Variants in CENPL observed in about 807,000 individuals in gnomAD.
The protein encoded by CENPL is centromere protein L.
A neutral mutation model predicts 35.2 loss-of-function variants in CENPL; 20 were observed. That is an observed-to-expected ratio of 0.57 (90% confidence interval 0.40 to 0.83). The LOEUF is 0.83. Among genes scored for constraint, CENPL ranks in the 40% least tolerant of loss-of-function variants. The pLI is 0.00. For missense variants in CENPL, 363 were observed against 395.8 expected, an observed-to-expected ratio of 0.92 and a Z score of 0.70; for synonymous variants, 140 against 140.6, an observed-to-expected ratio of 1.00 and a Z score of 0.03.
chr1:173,817,595 G>A (rs1226251193), intron 2 of CENPL, among the ~76,000 whole-genome samples: 3 of 152,214 alleles, frequency 2.0e-5, no homozygotes, highest in African/African-American at 7.2e-5. Context: ...AAGACAGTGT[G>A]GCAATTCCTC....
intron 2 of CENPL, among the ~76,000 whole-genome samples, chr1:173,818,639 A>G (rs1651644367): frequency 6.6e-6 from 1 of 152,100 alleles, no homozygotes; most frequent in South Asian, 2.1e-4. Context: ...GTGCTGAATG[A>G]GCTCTCATCT....
intron 2 of CENPL, among the ~76,000 whole-genome samples, chr1:173,818,806 C>T (rs9425750): frequency 0.091 from 13,847 of 152,170 alleles, 2,036 homozygotes; most frequent in African/African-American, 0.31. Context: ...ATTTCTTGTA[C>T]CCTCAGTAAA....
chr1:173,818,149 A>G (rs950870396), intron 2 of CENPL, among the ~76,000 whole-genome samples: 3 of 152,196 alleles, frequency 2.0e-5, no homozygotes, highest in African/African-American at 7.2e-5. Context: ...AACTTAAAGT[A>G]TAATTTAAAA....
At chr1:173,813,687 G>A (rs1651064686) in intron 2 of CENPL, among the ~76,000 whole-genome samples, 1 of 152,116 alleles carries the variant, frequency 6.6e-6, no homozygotes, top group Non-Finnish European at 1.5e-5. Context: ...ACTAAACATG[G>A]AAAGGAACAA....
rs772451925 is a variant in CENPL, at chr1:173,811,133, T to C, written c.167A>G (p.Gln56Arg). 3 of 1,610,468 alleles carry C rather than the reference T, an allele frequency of 1.9e-6. No homozygotes were observed. In the South Asian group the frequency reaches 3.3e-5, roughly 18 times the overall value. The change falls in exon 3 of 6, where the codon CAG becomes CGG. Residue 56 changes from glutamine (Q) to arginine (R), a missense_variant and splice_region_variant. By Grantham distance (43) the Gln-to-Arg change is conservative. Coordinates refer to ENST00000682279, the MANE Select transcript of CENPL (RefSeq NM_001387287.1). ...RRKIPQCSQL[Q>R]EDVDPQKVAF... ...CACAAAGGGACACAAAAAGCATACC[T>C]GCAACTGCGAACACTGGGGAATTTT...
chr1:173,811,310 C>A lies in CENPL; in HGVS notation c.-7-4G>T. The A allele has an allele frequency of 3.8e-6, 6 of 1,569,352 alleles. No homozygotes were observed. Among genetic ancestry groups the A allele is most frequent in the Non-Finnish European group, 5.2e-6 (6 of 1,150,336 alleles). On this transcript the variant is annotated splice_polypyrimidine_tract_variant and splice_region_variant and intron_variant, in intron 2 of 5. Transcript: ENST00000682279. Reference sequence around the variant, plus strand: ...ACTGTAAGAATCCATGGTCTGTCTGCATAAGAAGAAACAAAACCAGAATTC... The same window carrying A: ...ACTGTAAGAATCCATGGTCTGTCTGAATAAGAAGAAACAAAACCAGAATTC...
chr1:173,819,102 T>G (rs890940846), intron 2 of CENPL, among the ~76,000 whole-genome samples: 1 of 151,796 alleles, frequency 6.6e-6, no homozygotes, highest in African/African-American at 2.4e-5. Flanking sequence ...CCAGGTGTGG[T>G]AGTGCACACC....
chr1:173,821,448 C>T (rs1378722855), intron 2 of CENPL, among the ~76,000 whole-genome samples: 1 of 152,004 alleles, frequency 6.6e-6, no homozygotes, highest in Non-Finnish European at 1.5e-5. Flanking sequence ...TGCTATGAAT[C>T]CCAAAAAGAT....
intron 2 of CENPL, among the ~76,000 whole-genome samples, chr1:173,821,345 T>C (rs1651925540): frequency 1.3e-5 from 2 of 152,264 alleles, no homozygotes; most frequent in East Asian, 1.9e-4. Flanking sequence ...CTGCAATGAG[T>C]GCACTTAGCT....
chr1:173,814,279 C>T (rs7530546), intron 2 of CENPL, among the ~76,000 whole-genome samples: 34,700 of 151,974 alleles, frequency 0.23, 4,426 homozygotes, highest in Middle Eastern at 0.39. Flanking sequence ...ATCAACGAGA[C>T]AGAAGGTTAA....
rs1371001800 is a variant in CENPL, at chr1:173,823,971, A to G, written c.-53T>C. On this transcript the variant is annotated 5_prime_UTR_variant, in exon 2 of 6. Coordinates refer to ENST00000682279, the MANE Select transcript of CENPL (RefSeq NM_001387287.1). ...GCTGTCACCCATTCCGGATTCACGAATCATTCTTCAAAAGTCCGGCTCCAA... is the reference window on the plus strand; with the variant it reads ...GCTGTCACCCATTCCGGATTCACGAGTCATTCTTCAAAAGTCCGGCTCCAA... The G allele has an allele frequency of 6.6e-6, 1 of 151,956 alleles. No homozygotes were observed. Among genetic ancestry groups the G allele is most frequent in the Non-Finnish European group, 1.5e-5 (1 of 67,990 alleles). The allele number at this position is 151,956 out of a possible 1,614,324, so 9.4% of individuals were successfully genotyped here. A position where few individuals can be genotyped will look rare whatever the true frequency, so the allele number is the denominator to read the frequency against.
In CENPL at chr1:173,824,697, G is replaced by A. The variant is rs533128814; in HGVS notation, c.-587C>T. ...TGAAGGGCGCTTGGACCCCAGCGGCGATCTGTGTTTGGGTTCGCGCTCTGG... is the reference window on the plus strand; with the variant it reads ...TGAAGGGCGCTTGGACCCCAGCGGCAATCTGTGTTTGGGTTCGCGCTCTGG... On this transcript the variant is annotated 5_prime_UTR_variant, in exon 1 of 6. Coordinates refer to ENST00000682279, the MANE Select transcript of CENPL (RefSeq NM_001387287.1). 1.7e-4 allele frequency: 28 copies of A among 165,198 alleles called. 2 individuals carry two copies. The East Asian group carries it at 4.7e-3, about 28-fold the overall frequency. 10.2% of individuals were successfully genotyped at this position (165,198 alleles called of 1,614,324 possible).
chr1:173,819,387 T>C (rs1012808860), intron 2 of CENPL, among the ~76,000 whole-genome samples: 1 of 152,044 alleles, frequency 6.6e-6, no homozygotes, highest in Non-Finnish European at 1.5e-5. Flanking sequence ...AGTCAGAAGT[T>C]TGAGACCAGC....
intron 3 of CENPL, among the ~76,000 whole-genome samples, chr1:173,809,860 A>C (rs1325124258): frequency 6.6e-6 from 1 of 152,142 alleles, no homozygotes; most frequent in Non-Finnish European, 1.5e-5. Context: ...TCAAAAAAAA[A>C]CAGATGCTGG....
Position 173,803,064 on chromosome 1 carries a change from A to G in CENPL, c.862T>C (p.Tyr288His). The change falls in exon 5 of 6, where the codon TAT becomes CAT. Residue 288 changes from tyrosine to histidine, a missense_variant. Tyr to His is a moderately conservative substitution (Grantham distance 83). Coordinates refer to ENST00000682279, the MANE Select transcript of CENPL (RefSeq NM_001387287.1). ...EEVDLFMDCL[Y>H]SHFHRHFKIH... ...TTGAAATGTCTATGGAAATGTGAAT[A>G]AAGGCAATCCATGAATAGGTCAACT... The G allele has an allele frequency of 6.2e-7, 1 of 1,613,718 alleles. No homozygotes were observed. The highest frequency in any genetic ancestry group is 8.5e-7 in the Non-Finnish European group (1 of 1,179,556).
chr1:173,804,174 T>C (rs1281178130), intron 4 of CENPL, among the ~76,000 whole-genome samples: 2 of 152,362 alleles, frequency 1.3e-5, no homozygotes, highest in African/African-American at 4.8e-5. Flanking sequence ...AAGGCTTCAA[T>C]ATTTCCTAAG....
At chr1:173,817,969 A>C (rs1190218675) in intron 2 of CENPL, among the ~76,000 whole-genome samples, 2 of 152,142 alleles carry the variant, frequency 1.3e-5, no homozygotes, top group African/African-American at 4.8e-5. Flanking sequence ...ACAATTGGAC[A>C]CAGGGCGGGG....
At chr1:173,814,024 A>G (rs1243572238) in intron 2 of CENPL, among the ~76,000 whole-genome samples, 4 of 152,152 alleles carry the variant, frequency 2.6e-5, no homozygotes, top group African/African-American at 9.7e-5. Context: ...AGGGGTTGCA[A>G]TCCTAATCTC....
intron 2 of CENPL, among the ~76,000 whole-genome samples, chr1:173,811,854 G>A (rs1020892253): frequency 1.3e-5 from 2 of 152,240 alleles, no homozygotes; most frequent in African/African-American, 4.8e-5. Flanking sequence ...GCCAAAACAG[G>A]GTGGGGCATT....
Sources: allele counts gnomAD v4.1 joint callset (sites outside exome capture counted in the v4.1 genomes callset), GRCh38; gene constraint gnomAD v4.1.1; transcripts MANE v1.5; gene names NCBI Gene and HGNC (gene_info 2026-07-23, HGNC 2026-07-21).